The following HPSE2 variants were observed in gnomAD, a reference collection of about 807,000 sequenced individuals.
HPSE2 encodes the protein inactive heparanase-2.
A neutral mutation model predicts 60.5 loss-of-function variants in HPSE2; 38 were observed. The ratio of observed to expected loss-of-function variants is 0.63; its 90% CI spans 0.48 to 0.82. The LOEUF (loss-of-function observed/expected upper bound fraction) is 0.82. Among genes scored for constraint, HPSE2 ranks in the 40% least tolerant of loss-of-function variants. The pLI is 0.00. For missense variants in HPSE2, 713 were observed against 740.4 expected (o/e 0.96, Z 0.43); for synonymous variants, 295 against 293.2 (o/e 1.01, Z -0.06).
At chr10:99,092,331 G>A (rs973523811) in intron 3 of HPSE2, among the ~76,000 whole-genome samples, 2 of 152,134 alleles carry the variant, frequency 1.3e-5, no homozygotes, top group African/African-American at 4.8e-5. Context: ...CTATGTGATA[G>A]ATATTATTGT....
chr10:99,084,344 G>A (rs539117233), intron 3 of HPSE2, among the ~76,000 whole-genome samples: 1 of 152,174 alleles, frequency 6.6e-6, no homozygotes, highest in South Asian at 2.1e-4. Context: ...CCTAAGAAAA[G>A]TGCCAGGGGG....
At chr10:98,997,114 T>TTC (rs1264494794) in intron 3 of HPSE2, among the ~76,000 whole-genome samples, 1 of 77,520 alleles carries the variant, frequency 1.3e-5, no homozygotes, top group Admixed American at 1.7e-4. Flanking sequence ...GACCCTTTCT[T>TTC]TTTTTTTTTT....
At chr10:99,184,522 CAAAAAAAAAAA>C (rs200059066) in intron 2 of HPSE2, among the ~76,000 whole-genome samples, 25 of 60,738 alleles carry the variant, frequency 4.1e-4, no homozygotes, top group African/African-American at 1.9e-3. Context: ...GAGACTGTCT[CAAAAAAAAAAA>C]AAAAAAAAAA....
chr10:98,696,585 C>T (rs142988528), intron 5 of HPSE2, among the ~76,000 whole-genome samples: 194 of 102,828 alleles, frequency 1.9e-3, no homozygotes, highest in Non-Finnish European at 1.5e-3. Flanking sequence ...AAGCCCACAC[C>T]ACTGGGGCGA....
At chr10:98,773,695 C>T (rs1473355003) in intron 3 of HPSE2, among the ~76,000 whole-genome samples, 1 of 152,072 alleles carries the variant, frequency 6.6e-6, no homozygotes, top group African/African-American at 2.4e-5. Flanking sequence ...TCACGGCAAA[C>T]AGAGAGGATG....
At chr10:99,156,398 C>T (rs1218651494) in intron 2 of HPSE2, among the ~76,000 whole-genome samples, 6 of 140,514 alleles carry the variant, frequency 4.3e-5, no homozygotes, top group Non-Finnish European at 7.9e-5. Flanking sequence ...AAAGCTTATC[C>T]ACCATGATCA....
At chr10:98,810,134 A>G (rs569836650) in intron 3 of HPSE2, among the ~76,000 whole-genome samples, 9 of 152,050 alleles carry the variant, frequency 5.9e-5, no homozygotes, top group African/African-American at 2.2e-4. Context: ...TTCATGTCCA[A>G]GTTTCCCTGC....
At chr10:99,189,978 G>A (rs564343172) in intron 2 of HPSE2, among the ~76,000 whole-genome samples, 1 of 152,280 alleles carries the variant, frequency 6.6e-6, no homozygotes, top group Non-Finnish European at 1.5e-5. Context: ...CTGCGAACTA[G>A]CCTAGGTGGA....
chr10:99,243,187 A>C, the HPSE2 span, among the ~76,000 whole-genome samples: 1 of 152,000 alleles, frequency 6.6e-6, no homozygotes, highest in Non-Finnish European at 1.5e-5. Flanking sequence ...CCCTGTCTCT[A>C]CTAAAAATAA....
chr10:99,032,463 C>T (rs1957519086), intron 3 of HPSE2, among the ~76,000 whole-genome samples: 1 of 152,178 alleles, frequency 6.6e-6, no homozygotes, highest in African/African-American at 2.4e-5. Context: ...CACTTACTCC[C>T]TGCCCCATCC....
chr10:98,546,191 G>C (rs71486167), intron 9 of HPSE2, among the ~76,000 whole-genome samples: 1 of 138,088 alleles, frequency 7.2e-6, no homozygotes, highest in Non-Finnish European at 1.6e-5. Context: ...ATGCTCATGG[G>C]TAGGAAGAAT....
At chr10:98,820,024 A>G (rs1439755201) in intron 3 of HPSE2, among the ~76,000 whole-genome samples, 1 of 152,140 alleles carries the variant, frequency 6.6e-6, no homozygotes, top group Non-Finnish European at 1.5e-5. Context: ...TTTTATAGTG[A>G]CATACTTTTA....
intron 2 of HPSE2, among the ~76,000 whole-genome samples, chr10:99,231,044 T>C (rs533250095): frequency 2.3e-4 from 35 of 152,176 alleles, no homozygotes; most frequent in Non-Finnish European, 4.6e-4. Flanking sequence ...TGAAAAGATA[T>C]AGCCTTAAAC....
At chr10:99,154,315 T>A in intron 2 of HPSE2, among the ~76,000 whole-genome samples, 1 of 121,036 alleles carries the variant, frequency 8.3e-6, no homozygotes, top group Non-Finnish European at 1.8e-5. Context: ...TTCACCAAAG[T>A]TGAAATGAAG....
chr10:98,673,308 C>T (rs1349561575), intron 6 of HPSE2, among the ~76,000 whole-genome samples: 1 of 152,134 alleles, frequency 6.6e-6, no homozygotes, highest in Non-Finnish European at 1.5e-5. Flanking sequence ...CAGCTGTTAC[C>T]AGTCTGTTTT....
intron 3 of HPSE2, among the ~76,000 whole-genome samples, chr10:99,008,626 T>A (rs989905893): frequency 5.3e-5 from 8 of 152,200 alleles, no homozygotes; most frequent in Admixed American, 2.0e-4. Context: ...TTGGAAAATG[T>A]TTTTAAACAA....
chr10:98,767,861 TA>T (rs1387232657), intron 3 of HPSE2, among the ~76,000 whole-genome samples: 1 of 146,628 alleles, frequency 6.8e-6, no homozygotes, highest in African/African-American at 2.5e-5. Flanking sequence ...TTGAAAGACA[TA>T]TGTTCTATAT....
chr10:98,767,603 A>G (rs1950149524), intron 3 of HPSE2, among the ~76,000 whole-genome samples: 1 of 144,502 alleles, frequency 6.9e-6, no homozygotes, highest in African/African-American at 2.6e-5. Flanking sequence ...ATACAATACT[A>G]TAACATGTAT....
chr10:98,908,547 G>A (rs1205433533), intron 3 of HPSE2, among the ~76,000 whole-genome samples: 1 of 151,962 alleles, frequency 6.6e-6, no homozygotes, highest in East Asian at 1.9e-4. Context: ...GCCGGGCATG[G>A]TGGTGCATGC....
Sources: gnomAD v4.1 joint callset for allele counts (sites outside exome capture counted in the v4.1 genomes callset) on GRCh38, gnomAD v4.1.1 for gene constraint, MANE v1.5 for transcripts, NCBI Gene and HGNC (gene_info 2026-07-23, HGNC 2026-07-21) for gene names.